EPHA4: variants seen among roughly 807,000 people sequenced by gnomAD.
EPHA4 encodes EPH receptor A4.
EPHA4 carries 19 observed loss-of-function variants against 108.3 expected under a neutral mutation model. That is an observed-to-expected ratio of 0.18 (90% CI 0.12 to 0.26). The LOEUF (loss-of-function observed/expected upper bound fraction) is 0.26, where lower values mean the gene tolerates loss of function less well. EPHA4 is among the 10% of genes least tolerant of loss of function. The pLI is 1.00. For missense variants in EPHA4, 917 were observed against 1,254.0 expected (o/e 0.73, Z 4.06); for synonymous variants, 449 against 455.5 (o/e 0.99, Z 0.18).
chr2:221,520,404 T>G (rs901619508), intron 3 of EPHA4, among the ~76,000 whole-genome samples: 18 of 152,192 alleles, frequency 1.2e-4, no homozygotes, highest in African/African-American at 4.1e-4. Context: ...ACACAGCACT[T>G]CTGTATACAA....
intron 3 of EPHA4, among the ~76,000 whole-genome samples, chr2:221,561,886 T>C (rs1370207308): frequency 2.0e-5 from 3 of 152,192 alleles, no homozygotes; most frequent in Admixed American, 1.3e-4. Flanking sequence ...TTTAAAAATA[T>C]ATATAAGAAT....
intron 8 of EPHA4, among the ~76,000 whole-genome samples, chr2:221,452,679 C>T (rs77650857): frequency 1.3e-4 from 19 of 150,998 alleles, no homozygotes; most frequent in Non-Finnish European, 2.5e-4. Context: ...GGACCAATCA[C>T]CAAGCACTGT....
chr2:221,556,812 GT>G (rs1387608573), intron 3 of EPHA4, among the ~76,000 whole-genome samples: 2 of 152,046 alleles, frequency 1.3e-5, no homozygotes, highest in African/African-American at 4.8e-5. Flanking sequence ...TGTTATAATT[GT>G]TCTATTTTAT....
At chr2:221,451,250 A>C (rs2106113229) in intron 8 of EPHA4, among the ~76,000 whole-genome samples, 1 of 152,336 alleles carries the variant, frequency 6.6e-6, no homozygotes, top group South Asian at 2.1e-4. Flanking sequence ...GTTTTGGAAA[A>C]AACACTGCCC....
intron 3 of EPHA4, among the ~76,000 whole-genome samples, chr2:221,535,109 G>A (rs1352724027): frequency 6.6e-6 from 1 of 152,138 alleles, no homozygotes; most frequent in African/African-American, 2.4e-5. Context: ...CTTAGCAAGG[G>A]AACCTGGAAA....
At chr2:221,512,532 T>C (rs981570844) in intron 3 of EPHA4, among the ~76,000 whole-genome samples, 9 of 152,214 alleles carry the variant, frequency 5.9e-5, no homozygotes, top group Non-Finnish European at 1.0e-4. Flanking sequence ...TATTGTTTTC[T>C]TCACCCTTTG....
chr2:221,429,934 C>T (rs769493680), intron 15 of EPHA4, 24 bp downstream of exon 15: 1 of 1,612,010 alleles, frequency 6.2e-7, no homozygotes, highest in African/African-American at 1.3e-5. Context: ...TTTCATACAT[C>T]ACTATTAAGT....
At chr2:221,516,844 CT>C (rs925467015) in intron 3 of EPHA4, among the ~76,000 whole-genome samples, 1 of 151,988 alleles carries the variant, frequency 6.6e-6, no homozygotes, top group African/African-American at 2.4e-5. Flanking sequence ...GAGCAAGGTC[CT>C]TTTTTTTCCC....
intron 5 of EPHA4, among the ~76,000 whole-genome samples, chr2:221,471,857 TC>T (rs1317735269): frequency 6.6e-6 from 1 of 152,168 alleles, no homozygotes; most frequent in African/African-American, 2.4e-5. Context: ...CTAGTTGTTC[TC>T]CTTGCTTCTA....
chr2:221,572,459 C>T (rs935504645), upstream of EPHA4: 4 of 357,674 alleles, frequency 1.1e-5, no homozygotes, highest in Admixed American at 2.0e-4. Flanking sequence ...GGTTCCGCCC[C>T]CTCCGGGCTC....
At position 221,499,739 on chromosome 2, in the gene EPHA4, TATATATATATATA is replaced by T. The variant is rs1342721610; in HGVS notation, c.979+1265_979+1277del. On this transcript the variant is annotated intron_variant, in intron 4 of 17. Transcript: ENST00000281821. The stretch of plus-strand genomic sequence containing the variant: ...TAATATATATATATATATATATATA[TATATATATATATA>T]TATATTTTTTTTTTTTTTTTTTGAG... Among the ~76,000 whole-genome samples, 22 of 54,860 alleles carry T rather than the reference TATATATATATATA, an allele frequency of 4.0e-4. 1 individual carries two copies. The East Asian group carries it at 5.2e-3, about 13-fold the overall frequency. 36.0% of individuals were successfully genotyped at this position (54,860 alleles called of 152,430 possible).
Position 221,503,736 on chromosome 2 carries a change from G to A in EPHA4, c.824-2564C>T, listed in dbSNP as rs80298957. 8.0e-3 allele frequency among the ~76,000 whole-genome samples: 1,219 copies of A among 152,116 alleles called. 12 individuals are homozygous for A. Among genetic ancestry groups the A allele is most frequent in the African/African-American group, 0.028 (1,165 of 41,492 alleles). On this transcript the variant is annotated intron_variant, in intron 3 of 17. Coordinates refer to ENST00000281821, the MANE Select transcript of EPHA4 (RefSeq NM_004438.5). ...ACAAAATTGTCATTGTGCTATTCTC[G>A]GCAGCCTTGCTACCCTTAACACCTT...
Position 221,426,039 on chromosome 2 carries a change from C to A in EPHA4, c.2950G>T (p.Val984Phe), listed in dbSNP as rs747438072. 2.5e-6 allele frequency: 4 copies of A among 1,613,822 alleles called. No homozygotes were observed. The highest frequency in any genetic ancestry group is 1.3e-5 in the African/African-American group (1 of 74,846). Residue 984 changes from valine to phenylalanine, a missense_variant, in exon 17 of 18, where the codon GTT becomes TTT. Val to Phe is a conservative substitution (Grantham distance 50). Coordinates refer to ENST00000281821, the MANE Select transcript of EPHA4 (RefSeq NM_004438.5). Reference protein sequence around the residue: ...TQMQQMHGRMVPV With the variant: ...TQMQQMHGRMFPV ...TATTCAGTACTGGCTCAGACGGGAA[C>A]CATTCTGCCGTGCATCTGCTGCATT...
chr2:221,473,708 C>T (rs754197251), intron 5 of EPHA4, among the ~76,000 whole-genome samples: 2 of 152,038 alleles, frequency 1.3e-5, no homozygotes, highest in East Asian at 3.9e-4. Context: ...ATTAATTGAG[C>T]CAGTTGGAGT....
intron 3 of EPHA4, among the ~76,000 whole-genome samples, chr2:221,515,781 C>T (rs1481356662): frequency 1.3e-5 from 2 of 152,114 alleles, no homozygotes; most frequent in African/African-American, 4.8e-5. Context: ...TGTGCCACTG[C>T]ACTCAGCCTG....
chr2:221,436,139 C>G (rs1421353551), intron 13 of EPHA4, among the ~76,000 whole-genome samples: 1 of 151,518 alleles, frequency 6.6e-6, no homozygotes, highest in Admixed American at 6.6e-5. Flanking sequence ...CCCTGCCCTC[C>G]CAAAAAAAAA....
At chr2:221,468,849 T>C (rs1691394410) in intron 5 of EPHA4, among the ~76,000 whole-genome samples, 2 of 152,246 alleles carry the variant, frequency 1.3e-5, no homozygotes, top group Non-Finnish European at 1.5e-5. Flanking sequence ...AAAGAGCCTG[T>C]CTGCTTCAAT....
chr2:221,503,358 A>C (rs1040826063), intron 3 of EPHA4, among the ~76,000 whole-genome samples: 4 of 152,238 alleles, frequency 2.6e-5, no homozygotes, highest in Admixed American at 2.6e-4. Flanking sequence ...TGATCATCAC[A>C]AAGTCCAAAT....
At chr2:221,541,877 G>T (rs1693849857) in intron 3 of EPHA4, among the ~76,000 whole-genome samples, 1 of 152,140 alleles carries the variant, frequency 6.6e-6, no homozygotes, top group Non-Finnish European at 1.5e-5. Context: ...GGTTTACTTT[G>T]CATGCAGCAG....
Sources: allele counts gnomAD v4.1 joint callset (sites outside exome capture counted in the v4.1 genomes callset), GRCh38; gene constraint gnomAD v4.1.1; transcripts MANE v1.5; gene names NCBI Gene and HGNC (gene_info 2026-07-23, HGNC 2026-07-21).